FIGLA: variants seen among roughly 807,000 people sequenced by gnomAD.
FIGLA encodes factor in the germline alpha.
A neutral mutation model predicts 21.5 loss-of-function variants in FIGLA; 17 were observed. The observed-to-expected ratio is 0.79, with a 90% confidence interval of 0.54 to 1.19. The LOEUF is 1.19. Among genes scored for constraint, FIGLA ranks in the 50% most tolerant of loss-of-function variants. The pLI is 0.00. For synonymous variants in FIGLA, 129 were observed against 117.6 expected, an observed-to-expected ratio of 1.10 and a Z score of -0.63; for missense variants, 282 against 285.0, an observed-to-expected ratio of 0.99 and a Z score of 0.08.
chr2:70,780,315 C>T (rs1553388943), intron 3 of FIGLA, among the ~76,000 whole-genome samples: 1 of 152,142 alleles, frequency 6.6e-6, no homozygotes, highest in African/African-American at 2.4e-5. Context: ...GAAAAGGGTG[C>T]CACTCCTGCA....
intron 3 of FIGLA, among the ~76,000 whole-genome samples, chr2:70,783,426 C>T (rs1675893330): frequency 6.6e-6 from 1 of 152,188 alleles, no homozygotes; most frequent in African/African-American, 2.4e-5. Context: ...GTTCAATTAT[C>T]CTTGGAAAAC....
chr2:70,785,898 C>A (rs1208294818), intron 2 of FIGLA, among the ~76,000 whole-genome samples: 8 of 152,136 alleles, frequency 5.3e-5, no homozygotes, highest in African/African-American at 1.7e-4. Context: ...GAACAAAGCA[C>A]TTCTGTTACA....
chr2:70,788,440 C>T (rs1046181539), intron 1 of FIGLA, among the ~76,000 whole-genome samples: 15 of 152,166 alleles, frequency 9.9e-5, no homozygotes, highest in African/African-American at 3.1e-4. Context: ...GTTGGTGAGA[C>T]TTCAAAGGCT....
At chr2:70,781,549 T>C (rs1553389127) in intron 3 of FIGLA, among the ~76,000 whole-genome samples, 1 of 152,094 alleles carries the variant, frequency 6.6e-6, no homozygotes, top group African/African-American at 2.4e-5. Context: ...ACCAAAATGT[T>C]CTAAAATATT....
At chr2:70,787,252 C>T (rs1278730089) in intron 2 of FIGLA, among the ~76,000 whole-genome samples, 1 of 152,198 alleles carries the variant, frequency 6.6e-6, no homozygotes, top group Non-Finnish European at 1.5e-5. Context: ...CCTCTTCCTT[C>T]CTGTGTCCTG....
At chr2:70,784,674 A>G (rs1553389596) in intron 3 of FIGLA, among the ~76,000 whole-genome samples, 1 of 152,142 alleles carries the variant, frequency 6.6e-6, no homozygotes, top group African/African-American at 2.4e-5. Flanking sequence ...CCCTTATATC[A>G]TACCATGCAA....
intron 1 of FIGLA, among the ~76,000 whole-genome samples, chr2:70,789,366 C>A (rs6546634): frequency 0.54 from 82,723 of 151,850 alleles, 23,814 homozygotes; most frequent in East Asian, 0.74. Context: ...CTGGAGAAGA[C>A]AATTCCTTCC....
At chr2:70,787,577 G>T in intron 2 of FIGLA, 72 bp downstream of exon 2, 2 of 1,386,166 alleles carry the variant, frequency 1.4e-6, no homozygotes, top group South Asian at 1.3e-5. Flanking sequence ...ATATCACTTG[G>T]CACAGTGTCT....
Position 70,787,688 on chromosome 2 carries a change from C to G in FIGLA, c.345G>C (p.Gln115His), listed in dbSNP as rs200072751. 1.5e-4 allele frequency: 245 copies of G among 1,594,156 alleles called. No homozygotes were observed. Among genetic ancestry groups the G allele is most frequent in the Non-Finnish European group, 1.9e-4 (217 of 1,170,012 alleles). ...DILKGATEYI[Q>H]VLSDLLEGAK... Reference sequence around the variant, plus strand: ...CTCCTTCCAAAAGATCACTGAGAACCTGTATATATTCAGTCGCACCTTTAA... The same window carrying G: ...CTCCTTCCAAAAGATCACTGAGAACGTGTATATATTCAGTCGCACCTTTAA... Residue 115 changes from glutamine (Q) to histidine (H), a missense_variant, in exon 2 of 5, where the codon CAG becomes CAC. By Grantham distance (24) the Gln-to-His change is conservative. Coordinates refer to ENST00000332372, the MANE Select transcript of FIGLA (RefSeq NM_001004311.3).
chr2:70,787,794 T>A lies in FIGLA; in HGVS notation c.239A>T (p.Asn80Ile). The A allele has an allele frequency of 1.2e-6, 2 of 1,611,942 alleles. No individual in the cohort carries two copies. Among genetic ancestry groups the A allele is most frequent in the Non-Finnish European group, 1.7e-6 (2 of 1,179,428 alleles). The part of the protein sequence containing the change: ...ANAKERERIK[N>I]LNRGFARLKA... ...CAATCTGGCAAAACCACGGTTGAGA[T>A]TTTTTATCTAGAAAACAAAAAGGCA... Residue 80 changes from asparagine to isoleucine, a missense_variant, in exon 2 of 5, where the codon AAT (asparagine) becomes ATT (isoleucine). Transcript: ENST00000332372.
chr2:70,788,912 T>C lies in FIGLA; in HGVS notation c.232-1111A>G, dbSNP rs536111618. 3.9e-5 allele frequency among the ~76,000 whole-genome samples: 6 copies of C among 152,328 alleles called. No homozygotes were observed. In the South Asian group the frequency reaches 6.2e-4, roughly 16 times the overall value. ...CCTTAAGTCTCAGTAATTTCACTTG[T>C]AGCATTTTATTCTAAGGAAATTATC... On this transcript the variant is annotated intron_variant, in intron 1 of 4. Coordinates refer to ENST00000332372, the MANE Select transcript of FIGLA (RefSeq NM_001004311.3).
In FIGLA at chr2:70,787,657, C is replaced by T. The variant is rs1675979901; in HGVS notation, c.376G>A (p.Asp126Asn). ...AAATCTTACACCTTTACCTTTGAGT[C>T]TTTGGCTCCTTCCAAAAGATCACTG... ...VLSDLLEGAK[D>N]SKKQDPDEQS... The change falls in exon 2 of 5, where the codon GAC becomes AAC. Residue 126 changes from aspartate (D) to asparagine (N), a missense_variant. Transcript: ENST00000332372. 6.4e-6 allele frequency: 10 copies of T among 1,566,352 alleles called. No individual in the cohort carries two copies. The highest frequency in any genetic ancestry group is 4.7e-5 in the East Asian group (2 of 42,680).
chr2:70,777,766 T>A (rs1381525682), intron 3 of FIGLA, 95 bp from the exon 4 acceptor site: 1 of 599,420 alleles, frequency 1.7e-6, no homozygotes, highest in East Asian at 3.0e-5. Context: ...TGGCCAACAG[T>A]AAAAAAATTG....
chr2:70,783,309 T>C (rs1204150503), intron 3 of FIGLA, among the ~76,000 whole-genome samples: 2 of 152,214 alleles, frequency 1.3e-5, no homozygotes, highest in Non-Finnish European at 2.9e-5. Context: ...ATATTAAGTG[T>C]TTTACTCCCT....
intron 3 of FIGLA, among the ~76,000 whole-genome samples, chr2:70,784,723 A>G (rs1675913109): frequency 6.6e-6 from 1 of 151,860 alleles, no homozygotes; most frequent in South Asian, 2.1e-4. Context: ...ATTCCTATAC[A>G]CCTTTCTTAT....
chr2:70,785,350 A>G (rs1675926725), intron 3 of FIGLA, 65 bp downstream of exon 3: 3 of 1,280,654 alleles, frequency 2.3e-6, no homozygotes, highest in Non-Finnish European at 3.3e-6. Context: ...AAAATGACTC[A>G]TATCTCAAAG....
chr2:70,788,009 G>A (rs1292177498), intron 1 of FIGLA, among the ~76,000 whole-genome samples: 1 of 152,196 alleles, frequency 6.6e-6, no homozygotes, highest in Non-Finnish European at 1.5e-5. Flanking sequence ...ATGGGCAGAT[G>A]GGCTGCAAGG....
chr2:70,789,773 C>T (rs1676024374), intron 1 of FIGLA, among the ~76,000 whole-genome samples: 1 of 152,212 alleles, frequency 6.6e-6, no homozygotes, highest in African/African-American at 2.4e-5. Flanking sequence ...TAAAATCTAC[C>T]AGCAGGTGCC....
At chr2:70,786,137 TC>T (rs1553389981) in intron 2 of FIGLA, among the ~76,000 whole-genome samples, 1 of 152,178 alleles carries the variant, frequency 6.6e-6, no homozygotes, top group Non-Finnish European at 1.5e-5. Context: ...GATAATTGTT[TC>T]TTTTCTCTCT....
Sources: gnomAD v4.1 joint callset for allele counts (sites outside exome capture counted in the v4.1 genomes callset) on GRCh38, gnomAD v4.1.1 for gene constraint, MANE v1.5 for transcripts, NCBI Gene and HGNC (gene_info 2026-07-23, HGNC 2026-07-21) for gene names.